SPOCK1: variants seen among roughly 807,000 people sequenced by gnomAD.
SPOCK1 encodes testican-1.
A neutral mutation model predicts 55.3 loss-of-function variants in SPOCK1; 23 were observed. That is an observed-to-expected ratio of 0.42 (90% confidence interval 0.30 to 0.59). The LOEUF is 0.59. Among genes scored for constraint, SPOCK1 ranks in the 20% least tolerant of loss-of-function variants. SPOCK1 has a pLI of 0.22. For synonymous variants in SPOCK1, 226 were observed against 221.0 expected (o/e 1.02, Z -0.20); for missense variants, 499 against 552.5 (o/e 0.90, Z 0.97).
intron 2 of SPOCK1, among the ~76,000 whole-genome samples, chr5:137,299,627 C>T (rs987294780): frequency 6.6e-6 from 1 of 151,732 alleles, no homozygotes; most frequent in Non-Finnish European, 1.5e-5. Flanking sequence ...AATATTTTAC[C>T]TTCATTTTTG....
chr5:137,118,286 G>A (rs961212190), intron 4 of SPOCK1, among the ~76,000 whole-genome samples: 9 of 152,318 alleles, frequency 5.9e-5, no homozygotes, highest in African/African-American at 2.2e-4. Flanking sequence ...GTGGCTGACA[G>A]GACTATAAGC....
At chr5:137,140,855 T>C (rs1296382289) in intron 3 of SPOCK1, among the ~76,000 whole-genome samples, 161 bp from the exon 4 acceptor site, 1 of 145,968 alleles carries the variant, frequency 6.9e-6, no homozygotes, top group Admixed American at 7.3e-5. Context: ...CCATCCTGGG[T>C]TCAAGTGATT....
chr5:137,277,865 A>G lies in SPOCK1; in HGVS notation c.187-10810T>C, dbSNP rs192541448. On this transcript the variant is annotated intron_variant, in intron 2 of 10. Coordinates refer to ENST00000394945, the MANE Select transcript of SPOCK1 (RefSeq NM_004598.4). ...TTTGGCCCCAAAGAGAGCAGCCCCA[A>G]GAGCAGGCCGGCAGGAGATGCACAG... 2.4e-3 allele frequency among the ~76,000 whole-genome samples: 369 copies of G among 152,236 alleles called. 1 individual carries two copies. The highest frequency in any genetic ancestry group is 4.3e-3 in the African/African-American group (179 of 41,544).
intron 2 of SPOCK1, among the ~76,000 whole-genome samples, chr5:137,494,389 G>A (rs1021229982): frequency 6.6e-6 from 1 of 152,156 alleles, no homozygotes; most frequent in South Asian, 2.1e-4. Flanking sequence ...TACAGAGGGA[G>A]CCTAGAGTCA....
intron 2 of SPOCK1, among the ~76,000 whole-genome samples, chr5:137,423,039 C>T (rs911296718): frequency 2.6e-5 from 4 of 152,324 alleles, no homozygotes; most frequent in African/African-American, 7.2e-5. Flanking sequence ...TTGGAGTTTG[C>T]TGGAGGTCCA....
intron 2 of SPOCK1, among the ~76,000 whole-genome samples, chr5:137,488,799 A>G (rs1215957484): frequency 6.6e-6 from 1 of 152,136 alleles, no homozygotes; most frequent in Non-Finnish European, 1.5e-5. Flanking sequence ...CTGCTCACCT[A>G]CCACATAATT....
intron 2 of SPOCK1, among the ~76,000 whole-genome samples, chr5:137,350,593 C>A (rs1393033235): frequency 1.3e-5 from 2 of 152,088 alleles, no homozygotes; most frequent in African/African-American, 4.8e-5. Flanking sequence ...CTGCAATCAT[C>A]CAAAAGAGTG....
intron 2 of SPOCK1, among the ~76,000 whole-genome samples, chr5:137,430,492 T>C (rs1752721525): frequency 6.6e-6 from 1 of 152,206 alleles, no homozygotes; most frequent in South Asian, 2.1e-4. Flanking sequence ...TGCTAGACCC[T>C]GGGGATTCAG....
chr5:137,455,942 C>T (rs1753357278), intron 2 of SPOCK1, among the ~76,000 whole-genome samples: 3 of 152,090 alleles, frequency 2.0e-5, no homozygotes, highest in Admixed American at 2.0e-4. Flanking sequence ...GCAGAAGGAT[C>T]ACTTGAGCCC....
intron 8 of SPOCK1, among the ~76,000 whole-genome samples, chr5:136,987,846 T>C (rs1414177948): frequency 2.0e-5 from 3 of 152,182 alleles, no homozygotes; most frequent in African/African-American, 7.2e-5. Context: ...TGGCTTCCTG[T>C]CCTTAATCTG....
chr5:137,125,457 A>T (rs1279791097), intron 4 of SPOCK1, among the ~76,000 whole-genome samples: 1 of 152,174 alleles, frequency 6.6e-6, no homozygotes, highest in Non-Finnish European at 1.5e-5. Context: ...AGATGATGGT[A>T]TTAGGAGGTG....
chr5:137,357,141 G>T (rs1750836089), intron 2 of SPOCK1, among the ~76,000 whole-genome samples: 1 of 151,878 alleles, frequency 6.6e-6, no homozygotes, highest in African/African-American at 2.4e-5. Context: ...CCTGAACAGG[G>T]TATCAGAGCT....
intron 2 of SPOCK1, among the ~76,000 whole-genome samples, chr5:137,296,126 T>C (rs919332647): frequency 1.3e-5 from 2 of 152,174 alleles, no homozygotes; most frequent in Non-Finnish European, 2.9e-5. Context: ...ACAGCATCTA[T>C]GAGGAATGGG....
intron 2 of SPOCK1, among the ~76,000 whole-genome samples, chr5:137,396,619 A>G (rs1751854706): frequency 1.3e-5 from 2 of 152,208 alleles, no homozygotes; most frequent in Non-Finnish European, 2.9e-5. Flanking sequence ...CTAGGTTGTG[A>G]TTAGGGGAAG....
chr5:137,325,293 A>G (rs1199957664), intron 2 of SPOCK1, among the ~76,000 whole-genome samples: 1 of 152,182 alleles, frequency 6.6e-6, no homozygotes, highest in Middle Eastern at 3.2e-3. Context: ...CCTCCCTTGC[A>G]TGACACCCCT....
chr5:137,291,536 C>A (rs187948330), intron 2 of SPOCK1, among the ~76,000 whole-genome samples: 3 of 152,318 alleles, frequency 2.0e-5, no homozygotes, highest in Admixed American at 1.3e-4. Context: ...GAGGCCACCA[C>A]AACTGAGGTC....
intron 6 of SPOCK1, among the ~76,000 whole-genome samples, chr5:137,024,319 G>GGGGC (rs1554093484): frequency 6.7e-6 from 1 of 148,152 alleles, no homozygotes; most frequent in Non-Finnish European, 1.5e-5. Flanking sequence ...TTTGAAGGGG[G>GGGGC]GGGGGTAGTT....
intron 3 of SPOCK1, among the ~76,000 whole-genome samples, chr5:137,250,042 T>C (rs1756477962): frequency 3.9e-5 from 6 of 152,236 alleles, no homozygotes. Context: ...ACCTGTTTTA[T>C]ATAACCCATG....
At chr5:136,998,146 CT>C (rs1426109470) in intron 6 of SPOCK1, among the ~76,000 whole-genome samples, 2 of 152,216 alleles carry the variant, frequency 1.3e-5, no homozygotes, top group African/African-American at 4.8e-5. Context: ...TCCCAACTGT[CT>C]GCATAATATG....
Sources: allele counts gnomAD v4.1 joint callset (sites outside exome capture counted in the v4.1 genomes callset), GRCh38; gene constraint gnomAD v4.1.1; transcripts MANE v1.5; gene names NCBI Gene and HGNC (gene_info 2026-07-23, HGNC 2026-07-21).